SMAD9: variants seen among roughly 807,000 people sequenced by gnomAD.
SMAD9 encodes the protein MAD homolog 9.
A neutral mutation model predicts 46.1 loss-of-function variants in SMAD9; 36 were observed. That is an observed-to-expected ratio of 0.78 (90% CI 0.60 to 1.03). SMAD9 has a LOEUF of 1.03. Among genes scored for constraint, SMAD9 ranks in the 50% least tolerant of loss-of-function variants. The pLI is 0.00. For synonymous variants in SMAD9, 245 were observed against 237.1 expected (o/e 1.03, Z -0.31); for missense variants, 572 against 599.8 (o/e 0.95, Z 0.48).
chr13:36,868,070 T>C (rs2058252835), intron 3 of SMAD9, among the ~76,000 whole-genome samples: 1 of 152,246 alleles, frequency 6.6e-6, no homozygotes, highest in Non-Finnish European at 1.5e-5. Context: ...CAGAATGGTC[T>C]TGTTAACATG....
At chr13:36,874,748 T>C (rs1052005597) in intron 2 of SMAD9, among the ~76,000 whole-genome samples, 1 of 150,504 alleles carries the variant, frequency 6.6e-6, no homozygotes, top group African/African-American at 2.4e-5. Context: ...TCCCAGCTAC[T>C]TGGGGGGGCT....
chr13:36,860,644 G>A lies in SMAD9; in HGVS notation c.1003+4893C>T, dbSNP rs148542462. Among the ~76,000 whole-genome samples the A allele has an allele frequency of 3.0e-3, 449 of 151,464 alleles. 1 individual carries two copies. The highest frequency in any genetic ancestry group is 0.011 in the African/African-American group (436 of 41,220). On this transcript the variant is annotated intron_variant, in intron 5 of 6. Coordinates refer to ENST00000379826, the MANE Select transcript of SMAD9 (RefSeq NM_001127217.3). Reference sequence around the variant, plus strand: ...TTTTTTTGTATTTTTTAGTAGAGACGGGGTTTCAGTGTGTTAGCCAGGAGG... The same window carrying A: ...TTTTTTTGTATTTTTTAGTAGAGACAGGGTTTCAGTGTGTTAGCCAGGAGG...
chr13:36,853,798 A>G, intron 5 of SMAD9, 123 bp from the exon 6 acceptor site: 2 of 948,030 alleles, frequency 2.1e-6, no homozygotes, highest in Non-Finnish European at 3.4e-6. Context: ...GATCAGATGA[A>G]TGAGATGTGT....
chr13:36,851,926 T>C (rs555582058), intron 6 of SMAD9: 1 of 969,782 alleles, frequency 1.0e-6, no homozygotes, highest in African/African-American at 1.8e-5. Flanking sequence ...TAATTACCTA[T>C]GAGATATTGG....
chr13:36,871,536 T>TAAAAA (rs1247613183), intron 3 of SMAD9, among the ~76,000 whole-genome samples: 2 of 149,144 alleles, frequency 1.3e-5, no homozygotes, highest in African/African-American at 5.1e-5. Context: ...AAATAAAAAA[T>TAAAAA]AAAAATAAAT....
At chr13:36,887,768 T>C (rs2058459400) in intron 1 of SMAD9, among the ~76,000 whole-genome samples, 1 of 152,094 alleles carries the variant, frequency 6.6e-6, no homozygotes, top group Admixed American at 6.5e-5. Context: ...AAGATAGAAG[T>C]GGGACAACAG....
intron 3 of SMAD9, among the ~76,000 whole-genome samples, chr13:36,869,234 T>C (rs1445234682): frequency 6.6e-6 from 1 of 151,874 alleles, no homozygotes; most frequent in African/African-American, 2.4e-5. Flanking sequence ...GCCATCAGAT[T>C]GTACTTTTTT....
At chr13:36,876,443 T>C (rs578197908) in intron 2 of SMAD9, among the ~76,000 whole-genome samples, 43 of 152,276 alleles carry the variant, frequency 2.8e-4, no homozygotes, top group South Asian at 1.2e-3. Flanking sequence ...TCACCAACTG[T>C]TGGGTACGAG....
intron 1 of SMAD9, among the ~76,000 whole-genome samples, chr13:36,905,238 T>C (rs947434491): frequency 1.3e-5 from 2 of 152,176 alleles, no homozygotes; most frequent in African/African-American, 4.8e-5. Flanking sequence ...GAAACCCTCA[T>C]CTAGACTTTA....
At chr13:36,919,820 C>CCCACCCCACCCCACCCCACT (rs1439660745) in intron 1 of SMAD9, among the ~76,000 whole-genome samples, 2 of 122,016 alleles carry the variant, frequency 1.6e-5, no homozygotes, top group Non-Finnish European at 3.4e-5. Flanking sequence ...CGGCCCCGCG[C>CCCACCCCACCCCACCCCACT]CCACCCCACC....
At position 36,867,264 on chromosome 13, in the gene SMAD9, G is replaced by A. The variant is rs1483242599; in HGVS notation, c.781+9C>T. ...AATAGCTACATTTCACTGTTCATCT[G>A]CAATTTACCTCCATTTGGTATCGAT... is the stretch of plus-strand genomic sequence containing the variant. On this transcript the variant is annotated intron_variant, in intron 4 of 6. Transcript: ENST00000379826. The A allele has an allele frequency of 8.0e-6, 12 of 1,498,414 alleles. No homozygotes were observed. The East Asian group carries it at 2.5e-4, about 31-fold the overall frequency. The allele number at this position is 1,498,414 out of a possible 1,614,324, so 92.8% of individuals were successfully genotyped here.
rs375879495 is a variant in SMAD9 at position 36,879,714 on chromosome 13, C to G, written c.-25G>C. ...TAAGAGGCCACAGCAGGCTCCGGCGCGCACGGGAACCGCACAGCCCTTCAC... is the reference window on the plus strand; with the variant it reads ...TAAGAGGCCACAGCAGGCTCCGGCGGGCACGGGAACCGCACAGCCCTTCAC... On this transcript the variant is annotated 5_prime_UTR_variant, in exon 2 of 7. Transcript: ENST00000379826. 2 of 1,612,710 alleles carry G rather than the reference C, an allele frequency of 1.2e-6. No homozygotes were observed. The highest frequency in any genetic ancestry group is 1.1e-5 in the South Asian group (1 of 91,034).
chr13:36,848,623 C>A lies in SMAD9; in HGVS notation c.*53G>T. The A allele has an allele frequency of 6.5e-7, 1 of 1,546,850 alleles. No homozygotes were observed. Among genetic ancestry groups the A allele is most frequent in the Non-Finnish European group, 8.9e-7 (1 of 1,118,832 alleles). ...AGTTGCAAATCTGAAATGATACAAG[C>A]CACTCCCTGCAATAGCCTCTATCCT... On this transcript the variant is annotated 3_prime_UTR_variant, in exon 7 of 7. Coordinates refer to ENST00000379826, the MANE Select transcript of SMAD9 (RefSeq NM_001127217.3).
At chr13:36,866,944 TA>T (rs1033207358) in intron 4 of SMAD9, among the ~76,000 whole-genome samples, 67 of 152,316 alleles carry the variant, frequency 4.4e-4, no homozygotes, top group African/African-American at 1.6e-3. Flanking sequence ...GACACCACTA[TA>T]AACATATAGT....
intron 1 of SMAD9, among the ~76,000 whole-genome samples, chr13:36,887,867 G>A (rs374209642): frequency 6.6e-5 from 10 of 152,138 alleles, no homozygotes; most frequent in Admixed American, 3.9e-4. Flanking sequence ...AAAACTCCAA[G>A]GTTGCAGAGA....
chr13:36,918,998 T>C (rs916276757), intron 1 of SMAD9, among the ~76,000 whole-genome samples: 1 of 152,154 alleles, frequency 6.6e-6, no homozygotes, highest in African/African-American at 2.4e-5. Context: ...GCCACCGAAA[T>C]GGTACTAGTA....
intron 1 of SMAD9, among the ~76,000 whole-genome samples, chr13:36,903,645 T>C (rs2058596127): frequency 6.6e-6 from 1 of 152,224 alleles, no homozygotes. Context: ...TTGCATCTAA[T>C]CTCAAAAGTC....
intron 1 of SMAD9, among the ~76,000 whole-genome samples, chr13:36,888,090 T>C (rs941992166): frequency 6.6e-6 from 1 of 152,156 alleles, no homozygotes; most frequent in Non-Finnish European, 1.5e-5. Flanking sequence ...ACTCTCAGAA[T>C]AAATGAGCAC....
chr13:36,890,342 A>C (rs2058479718), intron 1 of SMAD9, among the ~76,000 whole-genome samples: 1 of 152,252 alleles, frequency 6.6e-6, no homozygotes, highest in South Asian at 2.1e-4. Context: ...ACTGTAAAAC[A>C]AATCAAATTA....
Sources: gnomAD v4.1 joint callset for allele counts (sites outside exome capture counted in the v4.1 genomes callset) on GRCh38, gnomAD v4.1.1 for gene constraint, MANE v1.5 for transcripts, NCBI Gene and HGNC (gene_info 2026-07-23, HGNC 2026-07-21) for gene names.